Variants in PCED1B observed in about 807,000 individuals in gnomAD.
The protein encoded by PCED1B is PC-esterase domain-containing protein 1B.
For synonymous variants in PCED1B, 251 were observed against 246.1 expected (o/e 1.02, Z -0.19); for missense variants, 573 against 573.9 (o/e 1.00, Z 0.02).
At position 47,160,053 on chromosome 12, in the gene PCED1B, C is replaced by T. The variant is rs144879812; in HGVS notation, c.-526+55858C>T. Among the ~76,000 whole-genome samples the T allele has an allele frequency of 2.1e-3, 313 of 152,094 alleles. 6 individuals carry two copies. The highest frequency in any genetic ancestry group is 0.014 in the East Asian group (72 of 5,176). The stretch of plus-strand genomic sequence containing the variant: ...GTCAAAAATCAGTTGGCTGCAAATA[C>T]GTGGATTTATTTCTGGGTTCTCTAC... On this transcript the variant is annotated intron_variant, in intron 2 of 3. Coordinates refer to ENST00000546455, the MANE Select transcript of PCED1B (RefSeq NM_138371.3).
chr12:47,171,665 T>C (rs1286912558), intron 2 of PCED1B, among the ~76,000 whole-genome samples: 1 of 152,212 alleles, frequency 6.6e-6, no homozygotes, highest in Non-Finnish European at 1.5e-5. Flanking sequence ...TTTCTCCTGA[T>C]AAAAGAAAGA....
At chr12:47,133,297 G>A (rs556156182) in intron 2 of PCED1B, among the ~76,000 whole-genome samples, 62 of 152,268 alleles carry the variant, frequency 4.1e-4, no homozygotes, top group Non-Finnish European at 5.4e-4. Context: ...TGTACTCAGA[G>A]ACTAAAGATA....
At chr12:47,224,776 G>A (rs1943584699) in intron 3 of PCED1B, among the ~76,000 whole-genome samples, 1 of 152,182 alleles carries the variant, frequency 6.6e-6, no homozygotes, top group African/African-American at 2.4e-5. Flanking sequence ...AGTAACAGCT[G>A]TCATAGCCGT....
intron 1 of PCED1B, among the ~76,000 whole-genome samples, chr12:47,082,367 T>A (rs1937776119): frequency 6.6e-6 from 1 of 152,170 alleles, no homozygotes. Context: ...CTGCCTTTTA[T>A]GCTTTGAAAG....
At chr12:47,181,332 T>C (rs1280352309) in intron 2 of PCED1B, among the ~76,000 whole-genome samples, 2 of 151,934 alleles carry the variant, frequency 1.3e-5, no homozygotes, top group African/African-American at 4.8e-5. Flanking sequence ...TTTTCTAATA[T>C]ATATTAGAAA....
At chr12:47,102,975 C>T (rs767743898) in intron 1 of PCED1B, among the ~76,000 whole-genome samples, 8 of 152,002 alleles carry the variant, frequency 5.3e-5, no homozygotes, top group East Asian at 1.9e-4. Context: ...ACCCCAATAA[C>T]GTTAAAGGCC....
intron 2 of PCED1B, among the ~76,000 whole-genome samples, chr12:47,118,085 C>A (rs959187993): frequency 7.2e-5 from 11 of 152,048 alleles, no homozygotes; most frequent in African/African-American, 2.7e-4. Context: ...GTTCTTTGTA[C>A]ATTCTGGATA....
intron 2 of PCED1B, among the ~76,000 whole-genome samples, chr12:47,108,838 G>A (rs899588827): frequency 2.0e-5 from 3 of 152,162 alleles, no homozygotes; most frequent in Non-Finnish European, 4.4e-5. Flanking sequence ...GCCAAGGCAA[G>A]ATTACTTGAG....
intron 2 of PCED1B, among the ~76,000 whole-genome samples, chr12:47,205,123 A>T (rs983961632): frequency 6.6e-6 from 1 of 152,146 alleles, no homozygotes; most frequent in Non-Finnish European, 1.5e-5. Context: ...GTTTTTAAGG[A>T]TAATTTGATG....
chr12:47,206,489 T>G (rs964686551), intron 2 of PCED1B: 3 of 152,232 alleles, frequency 2.0e-5, no homozygotes, highest in Admixed American at 6.5e-5. Flanking sequence ...TCAACCATAG[T>G]CAGCCCTCAG....
chr12:47,087,542 T>C (rs1938047165), intron 1 of PCED1B, among the ~76,000 whole-genome samples: 1 of 152,194 alleles, frequency 6.6e-6, no homozygotes, highest in East Asian at 1.9e-4. Flanking sequence ...GTTGCTCTCC[T>C]CTAGGAATTT....
chr12:47,187,446 A>G (rs1027926719), intron 2 of PCED1B, among the ~76,000 whole-genome samples: 1 of 152,214 alleles, frequency 6.6e-6, no homozygotes, highest in Non-Finnish European at 1.5e-5. Context: ...TTTCAAAAAT[A>G]GAGAACAAGA....
At chr12:47,118,453 T>C (rs1324335125) in intron 2 of PCED1B, among the ~76,000 whole-genome samples, 4 of 152,218 alleles carry the variant, frequency 2.6e-5, no homozygotes, top group Non-Finnish European at 4.4e-5. Flanking sequence ...AAGGAATCCT[T>C]TCCCCATTGC....
intron 3 of PCED1B, among the ~76,000 whole-genome samples, chr12:47,222,617 C>T (rs1435035145): frequency 4.6e-5 from 7 of 152,024 alleles, no homozygotes; most frequent in South Asian, 2.1e-4. Context: ...AGAAATGTGG[C>T]GGTGTCATGC....
intron 3 of PCED1B, chr12:47,223,822 A>G (rs920425948): frequency 6.6e-6 from 1 of 152,220 alleles, no homozygotes; most frequent in African/African-American, 2.4e-5. Flanking sequence ...AGAGGGGCCT[A>G]CTGTCTGGCA....
At chr12:47,165,497 G>A (rs889771885) in intron 2 of PCED1B, among the ~76,000 whole-genome samples, 2 of 152,222 alleles carry the variant, frequency 1.3e-5, no homozygotes, top group African/African-American at 4.8e-5. Context: ...AACAACTCCA[G>A]AGAGAACATA....
intron 2 of PCED1B, among the ~76,000 whole-genome samples, chr12:47,191,953 T>C (rs546466152): frequency 1.5e-4 from 23 of 152,278 alleles, no homozygotes; most frequent in African/African-American, 5.3e-4. Flanking sequence ...AACATGGCGC[T>C]TGCCACAGAA....
intron 2 of PCED1B, among the ~76,000 whole-genome samples, chr12:47,178,084 A>G (rs945431202): frequency 6.6e-6 from 1 of 152,200 alleles, no homozygotes; most frequent in African/African-American, 2.4e-5. Flanking sequence ...ATGTAATCAG[A>G]TCTGCTTAAG....
chr12:47,087,551 T>C (rs1046922779), intron 1 of PCED1B, among the ~76,000 whole-genome samples: 1 of 152,190 alleles, frequency 6.6e-6, no homozygotes, highest in Non-Finnish European at 1.5e-5. Context: ...CTCTAGGAAT[T>C]TGTAGTATTA....
Sources: allele counts gnomAD v4.1 joint callset (sites outside exome capture counted in the v4.1 genomes callset), GRCh38; gene constraint gnomAD v4.1.1; transcripts MANE v1.5; gene names NCBI Gene and HGNC (gene_info 2026-07-23, HGNC 2026-07-21).